The following SDCCAG8 variants were observed in gnomAD, a reference collection of about 807,000 sequenced individuals.
SDCCAG8 encodes SHH signaling and ciliogenesis regulator SDCCAG8.
Under a neutral mutation model 101.8 loss-of-function variants are expected in SDCCAG8, and 74 were observed. The ratio of observed to expected loss-of-function variants is 0.73; its 90% confidence interval spans 0.60 to 0.88. SDCCAG8 has a LOEUF of 0.88. Ranked by LOEUF, SDCCAG8 falls within the 40% of genes least tolerant of loss-of-function variation. The pLI is 0.00. For synonymous variants in SDCCAG8, 281 were observed against 292.9 expected (o/e 0.96, Z 0.41); for missense variants, 787 against 822.6 (o/e 0.96, Z 0.53).
At chr1:243,289,984 C>T (rs1246369639) in intron 5 of SDCCAG8, among the ~76,000 whole-genome samples, 1 of 152,012 alleles carries the variant, frequency 6.6e-6, no homozygotes, top group Non-Finnish European at 1.5e-5. Context: ...ATATTTCATT[C>T]CTGTCCTGAT....
At chr1:243,475,191 G>T (rs1207513752) in intron 16 of SDCCAG8, among the ~76,000 whole-genome samples, 2 of 152,162 alleles carry the variant, frequency 1.3e-5, no homozygotes, top group East Asian at 3.9e-4. Context: ...TGCTATCAGG[G>T]CAGTTCTACC....
At chr1:243,275,615 C>T (rs2068473191) in intron 4 of SDCCAG8, among the ~76,000 whole-genome samples, 1 of 151,948 alleles carries the variant, frequency 6.6e-6, no homozygotes, top group Non-Finnish European at 1.5e-5. Context: ...ATTTCATTAA[C>T]AATACTCTAT....
chr1:243,324,069 A>G (rs2484638), intron 9 of SDCCAG8, among the ~76,000 whole-genome samples: 144,891 of 152,188 alleles, frequency 0.95, 69,372 homozygotes, highest in East Asian at 1. Flanking sequence ...CAGTGAATAC[A>G]CCCACATTAT....
intron 16 of SDCCAG8, among the ~76,000 whole-genome samples, chr1:243,449,243 C>T (rs899082261): frequency 6.6e-6 from 1 of 152,056 alleles, no homozygotes; most frequent in Non-Finnish European, 1.5e-5. Context: ...CTTAATGGAG[C>T]GACTTGCTAA....
At chr1:243,317,951 T>C in intron 9 of SDCCAG8, 1 of 417,762 alleles carries the variant, frequency 2.4e-6, no homozygotes, top group East Asian at 7.2e-5. Flanking sequence ...TTTATTAAAA[T>C]ATTAGGGCTA....
intron 16 of SDCCAG8, among the ~76,000 whole-genome samples, chr1:243,452,414 CTTTTTTTTTT>C (rs71574667): frequency 4.5e-5 from 3 of 66,654 alleles, no homozygotes; most frequent in African/African-American, 1.8e-4. Context: ...GATCTCATCT[CTTTTTTTTTT>C]TTTTTTTTTT....
At chr1:243,362,159 G>A (rs1290346558) in intron 12 of SDCCAG8, among the ~76,000 whole-genome samples, 1 of 151,784 alleles carries the variant, frequency 6.6e-6, no homozygotes, top group Non-Finnish European at 1.5e-5. Context: ...GTAACTGGAT[G>A]GATAGGTGGG....
intron 16 of SDCCAG8, among the ~76,000 whole-genome samples, chr1:243,455,570 A>G (rs1020704960): frequency 5.3e-5 from 8 of 152,204 alleles, no homozygotes; most frequent in Non-Finnish European, 8.8e-5. Flanking sequence ...CACCTAGCCT[A>G]TTTCCATCTA....
chr1:243,407,187 C>T (rs1340880386), intron 13 of SDCCAG8, among the ~76,000 whole-genome samples: 1 of 152,180 alleles, frequency 6.6e-6, no homozygotes, highest in South Asian at 2.1e-4. Context: ...GATGCGCAAT[C>T]CACTGTTTGA....
chr1:243,474,063 AT>A lies in SDCCAG8; in HGVS notation c.1986-14941del, dbSNP rs936888314. Among the ~76,000 whole-genome samples, 296 of 150,452 alleles carry A rather than the reference AT, an allele frequency of 2.0e-3. No homozygotes were observed. Among genetic ancestry groups the A allele is most frequent in the Non-Finnish European group, 2.2e-3 (150 of 67,462 alleles). Reference sequence around the variant, plus strand: ...GTATTTCTTTGGCCTATTAGCCAAGATTTTTTTTTTCCTGTTTATTAAAATT... The same window carrying A: ...GTATTTCTTTGGCCTATTAGCCAAGATTTTTTTTTCCTGTTTATTAAAATT... On this transcript the variant is annotated intron_variant, in intron 16 of 17. Coordinates refer to ENST00000366541, the MANE Select transcript of SDCCAG8 (RefSeq NM_006642.5). This position sits in a 1 kb window ranked among gnomAD's most constrained non-coding sequence, Gnocchi z 4.7.
intron 17 of SDCCAG8, among the ~76,000 whole-genome samples, chr1:243,489,986 G>A (rs901924365): frequency 4.6e-5 from 7 of 152,316 alleles, no homozygotes; most frequent in Non-Finnish European, 8.8e-5. Flanking sequence ...ATAATGAGGT[G>A]GTCCGTGGGC....
At chr1:243,319,242 A>G (rs1314850451) in intron 9 of SDCCAG8, among the ~76,000 whole-genome samples, 1 of 152,208 alleles carries the variant, frequency 6.6e-6, no homozygotes, top group Non-Finnish European at 1.5e-5. Context: ...TCAACATGAG[A>G]GATTTGGAGA....
intron 17 of SDCCAG8, among the ~76,000 whole-genome samples, chr1:243,497,659 C>CA (rs1219480857): frequency 6.6e-6 from 1 of 152,126 alleles, no homozygotes; most frequent in Non-Finnish European, 1.5e-5. Context: ...TGGAGCTTAT[C>CA]AAAAAATTCC....
At chr1:243,457,817 G>C (rs1297063853) in intron 16 of SDCCAG8, among the ~76,000 whole-genome samples, 1 of 152,190 alleles carries the variant, frequency 6.6e-6, no homozygotes, top group Non-Finnish European at 1.5e-5. Context: ...TCTGTTAAGT[G>C]GTTATCAAGG....
intron 16 of SDCCAG8, among the ~76,000 whole-genome samples, chr1:243,452,153 A>G (rs1210101544): frequency 1.3e-5 from 2 of 152,140 alleles, no homozygotes; most frequent in Non-Finnish European, 2.9e-5. Flanking sequence ...GCCACACACC[A>G]GAAAGGAATA....
chr1:243,270,106 A>G lies in SDCCAG8; in HGVS notation c.69A>G (p.Glu23=), dbSNP rs2067967378. 1 of 1,614,226 alleles carries G rather than the reference A, an allele frequency of 6.2e-7. No individual in the cohort carries two copies. Among genetic ancestry groups the G allele is most frequent in the Non-Finnish European group, 8.5e-7 (1 of 1,180,044 alleles). Residue 23 remains glutamate, a splice_region_variant and synonymous_variant, in exon 2 of 18, where the codon GAA becomes GAG. Transcript: ENST00000366541. The part of the protein sequence containing the change: ...ILGQYQRSLR[E]HASRSIHQLT... ...ACTTTCGTCAGGTTGTTCTTGCAGA[A>G]CATGCCAGCAGAAGCATTCACCAAC...
chr1:243,289,215 C>T (rs1351561111), intron 5 of SDCCAG8, among the ~76,000 whole-genome samples: 1 of 152,050 alleles, frequency 6.6e-6, no homozygotes, highest in Non-Finnish European at 1.5e-5. Flanking sequence ...CTGAAGAACC[C>T]GCTGTCTGAG....
At chr1:243,265,778 A>G (rs2067534765) in intron 1 of SDCCAG8, among the ~76,000 whole-genome samples, 1 of 151,370 alleles carries the variant, frequency 6.6e-6, no homozygotes, top group Non-Finnish European at 1.5e-5. Context: ...GCACCATTGC[A>G]CTCCAGCCTG....
chr1:243,421,391 C>G (rs532681157), intron 15 of SDCCAG8, among the ~76,000 whole-genome samples: 1 of 152,330 alleles, frequency 6.6e-6, no homozygotes, highest in Admixed American at 6.5e-5. Flanking sequence ...TCTGCCCCAG[C>G]TTCATGCTAG....
Sources: allele counts gnomAD v4.1 joint callset (sites outside exome capture counted in the v4.1 genomes callset), GRCh38; gene constraint gnomAD v4.1.1; non-coding constraint Gnocchi (gnomAD v3.1); transcripts MANE v1.5; gene names NCBI Gene and HGNC (gene_info 2026-07-23, HGNC 2026-07-21).